The following APOBEC3H variants were observed in gnomAD, a reference collection of about 807,000 sequenced individuals.
The protein encoded by APOBEC3H is apolipoprotein B mRNA editing enzyme catalytic subunit 3H.
Under a neutral mutation model 21.2 loss-of-function variants are expected in APOBEC3H, and 8 were observed. That is an observed-to-expected ratio of 0.38 (90% CI 0.22 to 0.68). The LOEUF is 0.68. Ranked by LOEUF, APOBEC3H falls within the 30% of genes least tolerant of loss-of-function variation. The probability of loss-of-function intolerance (pLI) is 0.52; values close to 1 mark genes in which losing one functional copy is unlikely to be tolerated. For missense variants in APOBEC3H, 229 were observed against 228.1 expected (o/e 1.00, Z -0.03); for synonymous variants, 88 against 91.0 (o/e 0.97, Z 0.19).
At position 39,101,265 on chromosome 22, in the gene APOBEC3H, T is replaced by A. The variant is rs1929305887; in HGVS notation, c.179T>A (p.Ile60Asn). 6.2e-7 allele frequency: 1 copy of A among 1,613,366 alleles called. No homozygotes were observed. The highest frequency in any genetic ancestry group is 8.5e-7 in the Non-Finnish European group (1 of 1,179,848). ...KKKCHAEICFINEIKSMGLDE... is the reference protein window; with the variant it reads ...KKKCHAEICFNNEIKSMGLDE... ...AAGTGCCATGCAGAAATTTGCTTTA[T>A]TAACGAGATCAAGTCCATGGGACTG... Residue 60 changes from isoleucine to asparagine, a missense_variant, in exon 3 of 5, where the codon ATT becomes AAT. Transcript: ENST00000442487.
intron 2 of APOBEC3H, 104 bp from the exon 3 acceptor site, chr22:39,101,133 T>G: frequency 2.0e-6 from 1 of 490,248 alleles, no homozygotes. Context: ...GACAGACCCC[T>G]CTGCCCCCCC....
intron 1 of APOBEC3H, among the ~76,000 whole-genome samples, chr22:39,097,724 T>G (rs1259311472): frequency 1.3e-5 from 2 of 152,212 alleles, no homozygotes; most frequent in African/African-American, 4.8e-5. Context: ...TTGTTCACAG[T>G]GCTTTGATGA....
Position 39,100,332 on chromosome 22 carries a change from C to G in APOBEC3H, c.54C>G (p.Arg18=). The change falls in exon 2 of 5, where the codon CGC becomes CGG. Residue 18 remains arginine (R), a synonymous_variant. Transcript: ENST00000442487. ...TFRLQFNNKR[R]LRRPYYPRKA... ...GCTTACAGTTTAACAACAAGCGCCGCCTCAGAAGGCCTTACTACCCGAGGA... is the reference window on the plus strand; with the variant it reads ...GCTTACAGTTTAACAACAAGCGCCGGCTCAGAAGGCCTTACTACCCGAGGA... The G allele has an allele frequency of 6.2e-7, 1 of 1,614,112 alleles. No homozygotes were observed. The highest frequency in any genetic ancestry group is 8.5e-7 in the Non-Finnish European group (1 of 1,179,984).
At chr22:39,100,932 A>T (rs1468971383) in intron 2 of APOBEC3H, among the ~76,000 whole-genome samples, 1 of 151,744 alleles carries the variant, frequency 6.6e-6, no homozygotes, top group Admixed American at 6.6e-5. Flanking sequence ...GAGCTTCGGG[A>T]CTGGGGCGTG....
chr22:39,102,230 C>A (rs923844133), intron 4 of APOBEC3H, among the ~76,000 whole-genome samples, 188 bp downstream of exon 4: 2 of 151,494 alleles, frequency 1.3e-5, no homozygotes, highest in Non-Finnish European at 2.9e-5. Flanking sequence ...CTCAGTGCAA[C>A]CTCTGCCTCC....
chr22:39,101,806 A>G (rs139301), intron 3 of APOBEC3H, 112 bp from the exon 4 acceptor site: 731,985 of 1,530,666 alleles, frequency 0.48, 182,398 homozygotes, highest in African/African-American at 0.86. Flanking sequence ...AGAATTCCCC[A>G]GACAGAGCAA....
At position 39,100,342 on chromosome 22, in the gene APOBEC3H, C is replaced by A; in HGVS notation, c.64C>A (p.Pro22Thr). ...QFNNKRRLRRPYYPRKALLCY... is the reference protein window; with the variant it reads ...QFNNKRRLRRTYYPRKALLCY... The stretch of plus-strand genomic sequence containing the variant: ...TAACAACAAGCGCCGCCTCAGAAGG[C>A]CTTACTACCCGAGGAAGGCCCTCTT... Residue 22 changes from proline to threonine, a missense_variant, in exon 2 of 5, where the codon CCT becomes ACT. Coordinates refer to ENST00000442487, the MANE Select transcript of APOBEC3H (RefSeq NM_181773.5). 1.9e-6 allele frequency: 3 copies of A among 1,614,080 alleles called. No individual in the cohort carries two copies. Among genetic ancestry groups the A allele is most frequent in the Non-Finnish European group, 2.5e-6 (3 of 1,180,008 alleles).
At chr22:39,099,663 G>T (rs1162029153) in intron 1 of APOBEC3H, among the ~76,000 whole-genome samples, 2 of 152,206 alleles carry the variant, frequency 1.3e-5, no homozygotes, top group East Asian at 3.9e-4. Flanking sequence ...TAGTGACGAG[G>T]TCGGGGCATC....
In APOBEC3H at chr22:39,103,669, C is replaced by A. The variant is rs1212496474; in HGVS notation, c.544-20C>A. 2 of 1,613,650 alleles carry A rather than the reference C, an allele frequency of 1.2e-6. No individual in the cohort carries two copies. The highest frequency in any genetic ancestry group is 2.7e-5 in the African/African-American group (2 of 74,896). On this transcript the variant is annotated intron_variant, in intron 4 of 4. Coordinates refer to ENST00000442487, the MANE Select transcript of APOBEC3H (RefSeq NM_181773.5). ...TGTCCCACCAGTTGGTACCTCCTAA[C>A]TTCTCTCTTTCCCTCTCAGCAGTCC...
In APOBEC3H at chr22:39,097,313, T is replaced by C. The variant is rs546545543; in HGVS notation, c.-38T>C. The C allele has an allele frequency of 1.1e-4, 16 of 152,374 alleles. No individual in the cohort carries two copies. The highest frequency in any genetic ancestry group is 3.6e-4 in the African/African-American group (15 of 41,532). The allele number at this position is 152,374 out of a possible 1,614,324, so 9.4% of individuals were successfully genotyped here. A position where few individuals can be genotyped will look rare whatever the true frequency, so the allele number is the denominator to read the frequency against. Reference sequence around the variant, plus strand: ...CTCAGACAAGCAGGGGCAAGTCTGCTAAGGAAGCTGTGGCCAGAAGCACAG... The same window carrying C: ...CTCAGACAAGCAGGGGCAAGTCTGCCAAGGAAGCTGTGGCCAGAAGCACAG... On this transcript the variant is annotated 5_prime_UTR_variant, in exon 1 of 5. Coordinates refer to ENST00000442487, the MANE Select transcript of APOBEC3H (RefSeq NM_181773.5).
rs1192837758 is a variant in APOBEC3H at position 39,101,257 on chromosome 22, T to G, written c.171T>G (p.Ile57Met). The G allele has an allele frequency of 1.9e-6, 3 of 1,608,770 alleles. No individual in the cohort carries two copies. Among genetic ancestry groups the G allele is most frequent in the Non-Finnish European group, 2.5e-6 (3 of 1,177,028 alleles). The change falls in exon 3 of 5, where the codon ATT becomes ATG. Residue 57 changes from isoleucine to methionine, a missense_variant. By Grantham distance (10) the Ile-to-Met change is conservative (BLOSUM62 1). Transcript: ENST00000442487. The stretch of plus-strand genomic sequence containing the variant: ...CCCAGAAAAAGTGCCATGCAGAAAT[T>G]TGCTTTATTAACGAGATCAAGTCCA... ...FENKKKCHAE[I>M]CFINEIKSMG...
rs115742902 is a variant in APOBEC3H, at chr22:39,102,608, A to C, written c.543+566A>C. On this transcript the variant is annotated intron_variant, in intron 4 of 4. Coordinates refer to ENST00000442487, the MANE Select transcript of APOBEC3H (RefSeq NM_181773.5). ...TACTGGAACATAGCACCCAATAGGT[A>C]GTTTTTCAACCCTGGCCCCCCTCCC... The C allele has an allele frequency of 4.0e-3, 2,875 of 715,632 alleles. 51 individuals are homozygous for C. In the African/African-American group the frequency reaches 0.042, roughly 11 times the overall value. The allele number at this position is 715,632 out of a possible 1,614,324, so 44.3% of individuals were successfully genotyped here.
At chr22:39,102,645 T>C (rs1929437657) in intron 4 of APOBEC3H, 1 of 702,782 alleles carries the variant, frequency 1.4e-6, no homozygotes, top group Non-Finnish European at 2.6e-6. Flanking sequence ...CCCTCTCTTC[T>C]TTTGGAGTCT....
At chr22:39,098,921 C>T (rs957635515) in intron 1 of APOBEC3H, among the ~76,000 whole-genome samples, 8 of 152,128 alleles carry the variant, frequency 5.3e-5, no homozygotes, top group South Asian at 2.1e-4. Context: ...TGGCGGGGCG[C>T]GGTGGCTCAC....
intron 4 of APOBEC3H, among the ~76,000 whole-genome samples, 175 bp downstream of exon 4, chr22:39,102,217 C>T (rs765297143): frequency 6.6e-6 from 1 of 151,536 alleles, no homozygotes; most frequent in Non-Finnish European, 1.5e-5. Context: ...GGTGTGATCT[C>T]GGCTCAGTGC....
At chr22:39,099,153 G>T (rs529617220) in intron 1 of APOBEC3H, among the ~76,000 whole-genome samples, 2 of 152,248 alleles carry the variant, frequency 1.3e-5, no homozygotes, top group African/African-American at 2.4e-5. Context: ...GGTGGAGCTT[G>T]CAGTGAGCTG....
chr22:39,103,886 CAGA>C lies in APOBEC3H; in HGVS notation c.*193_*195del. The C allele has an allele frequency of 1.5e-6, 1 of 682,144 alleles. No homozygotes were observed. The highest frequency in any genetic ancestry group is 2.4e-5 in the Admixed American group (1 of 41,064). The allele number at this position is 682,144 out of a possible 1,614,324, so 42.3% of individuals were successfully genotyped here. A position where few individuals can be genotyped will look rare whatever the true frequency, so the allele number is the denominator to read the frequency against. ...GCCCCAACCTGGCCCCATCCAAGTA[CAGA>C]AGACCTTCCTTTCCTCCTTTTTCCA... On this transcript the variant is annotated 3_prime_UTR_variant, in exon 5 of 5. Transcript: ENST00000442487.
intron 1 of APOBEC3H, among the ~76,000 whole-genome samples, chr22:39,098,240 T>C (rs1045097739): frequency 2.6e-5 from 4 of 152,226 alleles, no homozygotes; most frequent in African/African-American, 9.6e-5. Flanking sequence ...ACCCTGATTT[T>C]TTGTTTCGTT....
At chr22:39,097,749 T>C (rs1031008515) in intron 1 of APOBEC3H, among the ~76,000 whole-genome samples, 2 of 152,218 alleles carry the variant, frequency 1.3e-5, no homozygotes, top group African/African-American at 4.8e-5. Context: ...TGTGTAAGAT[T>C]ACTTTGTTTC....
Sources: gnomAD v4.1 joint callset for allele counts (sites outside exome capture counted in the v4.1 genomes callset) on GRCh38, gnomAD v4.1.1 for gene constraint, MANE v1.5 for transcripts, NCBI Gene and HGNC (gene_info 2026-07-23, HGNC 2026-07-21) for gene names.